Variants in CEP104 observed in about 807,000 individuals in gnomAD.
CEP104 encodes the protein centrosomal protein of 104 kDa.
Under a neutral mutation model 113.3 loss-of-function variants are expected in CEP104, and 84 were observed. That is an observed-to-expected ratio of 0.74 (90% CI 0.62 to 0.89). The LOEUF (loss-of-function observed/expected upper bound fraction) is 0.89. CEP104 is among the 40% of genes least tolerant of loss of function. CEP104 has a pLI of 0.00. For missense variants in CEP104, 1,053 were observed against 1,156.6 expected (o/e 0.91, Z 1.30); for synonymous variants, 378 against 421.7 (o/e 0.90, Z 1.27).
intron 6 of CEP104, chr1:3,843,093 A>C (rs1489218276): frequency 3.4e-6 from 2 of 587,984 alleles, no homozygotes; most frequent in Admixed American, 3.0e-5. Flanking sequence ...CAGCCTAAAA[A>C]ACATTTCAAT....
Position 3,815,419 on chromosome 1 carries a change from T to A in CEP104, c.2761A>T (p.Thr921Ser). ...KGGLSKSSSR[T>S]YAKR ...GCGCCGCGTCAGCGCTTGGCGTACGTCCTGCTGGAGCTCTTGCTCAGTCCG... is the reference window on the plus strand; with the variant it reads ...GCGCCGCGTCAGCGCTTGGCGTACGACCTGCTGGAGCTCTTGCTCAGTCCG... The change falls in exon 22 of 22, where the codon ACG (threonine) becomes TCG (serine). Residue 921 changes from threonine to serine, a missense_variant. Coordinates refer to ENST00000378230, the MANE Select transcript of CEP104 (RefSeq NM_014704.4). 6.8e-6 allele frequency: 11 copies of A among 1,612,502 alleles called. No homozygotes were observed. Among genetic ancestry groups the A allele is most frequent in the Non-Finnish European group, 9.3e-6 (11 of 1,179,712 alleles).
chr1:3,827,918 C>T (rs146880670), intron 15 of CEP104, among the ~76,000 whole-genome samples: 30 of 152,210 alleles, frequency 2.0e-4, no homozygotes, highest in African/African-American at 4.1e-4. Flanking sequence ...AGCCAGATGG[C>T]GCCTGGCACG....
At chr1:3,830,207 T>A (rs1644176397) in intron 13 of CEP104, among the ~76,000 whole-genome samples, 1 of 152,062 alleles carries the variant, frequency 6.6e-6, no homozygotes, top group Non-Finnish European at 1.5e-5. Context: ...TGGATCTTTT[T>A]TAAGAAACAG....
chr1:3,843,280 C>T (rs1231825768), intron 6 of CEP104: 1 of 698,120 alleles, frequency 1.4e-6, no homozygotes, highest in African/African-American at 1.8e-5. Context: ...ACAGCGGGGC[C>T]CTTTAGCTCC....
intron 13 of CEP104, 123 bp from the exon 14 acceptor site, chr1:3,830,120 T>C: frequency 2.9e-6 from 2 of 695,956 alleles, no homozygotes; most frequent in Admixed American, 2.7e-5. Context: ...TTAAGTATTA[T>C]GAAATACTTC....
rs753093605 is a variant in CEP104 at position 3,815,182 on chromosome 1, C to T, written c.*220G>A. ...AGCCCTGAAGGCTTAATGTACAGTG[C>T]GGCCAGGTCCTGGCACTGCACGCAG... On this transcript the variant is annotated 3_prime_UTR_variant, in exon 22 of 22. Coordinates refer to ENST00000378230, the MANE Select transcript of CEP104 (RefSeq NM_014704.4). 2.7e-5 allele frequency: 15 copies of T among 560,286 alleles called. No homozygotes were observed. The highest frequency in any genetic ancestry group is 2.3e-4 in the African/African-American group (12 of 52,690). 34.7% of individuals were successfully genotyped at this position (560,286 alleles called of 1,614,324 possible).
At chr1:3,836,431 T>C (rs941961295) in intron 10 of CEP104, 64 bp downstream of exon 10, 16 of 1,525,282 alleles carry the variant, frequency 1.0e-5, no homozygotes, top group Middle Eastern at 2.4e-4. Flanking sequence ...CACAGAGGTG[T>C]GCGTACCATA....
At position 3,847,609 on chromosome 1, in the gene CEP104, C is replaced by A. The variant is rs147802166; in HGVS notation, c.292G>T (p.Val98Leu). 6.2e-7 allele frequency: 1 copy of A among 1,614,004 alleles called. No individual in the cohort carries two copies. The highest frequency in any genetic ancestry group is 8.5e-7 in the Non-Finnish European group (1 of 1,179,980). The change falls in exon 4 of 22, where the codon GTG (valine) becomes TTG (leucine). Residue 98 changes from valine to leucine, a missense_variant. Transcript: ENST00000378230. ...GTCTTTTCATTATCACAGAGAGACA[C>A]GTAGCTGAAAAACAAAACACAACTG... ...QAERFRRLGYVSLCDNEKTGC... is the reference protein window; with the variant it reads ...QAERFRRLGYLSLCDNEKTGC...
intron 20 of CEP104, chr1:3,816,582 A>C (rs1643884581): frequency 2.0e-6 from 1 of 490,740 alleles, no homozygotes; most frequent in Admixed American, 3.7e-5. Context: ...GGAAGCAAGA[A>C]GTCCTGTCAC....
At chr1:3,829,644 G>A in intron 14 of CEP104, 147 bp downstream of exon 14, 1 of 854,562 alleles carries the variant, frequency 1.2e-6, no homozygotes, top group Non-Finnish European at 1.9e-6. Flanking sequence ...TCTGAATGCG[G>A]GAACCTGTGT....
Position 3,839,689 on chromosome 1 carries a change from ATCTAATTTTCG to A in CEP104, c.643_653del (p.Arg215Ter). ...TTTGGACAGCTTCCCGTTTTCTTTC[ATCTAATTTTCG>A]TATGATCTGTGCAACTTCTGGATCT... On this transcript the variant is annotated frameshift_variant, in exon 7 of 22. Transcript: ENST00000378230. LOFTEE classifies it high-confidence loss of function. 6.2e-7 allele frequency: 1 copy of A among 1,614,126 alleles called. No individual in the cohort carries two copies. Among genetic ancestry groups the A allele is most frequent in the Non-Finnish European group, 8.5e-7 (1 of 1,179,996 alleles).
At position 3,837,265 on chromosome 1, in the gene CEP104, A is replaced by G; in HGVS notation, c.1119+27T>C. ...CTTTACAAATACCCAAATAAATTGA[A>G]CGCCAATCTGAAACAGAATTACCTA... On this transcript the variant is annotated intron_variant, in intron 9 of 21. Transcript: ENST00000378230. 4.5e-6 allele frequency: 7 copies of G among 1,564,380 alleles called. No individual in the cohort carries two copies. The South Asian group carries it at 7.9e-5, about 18-fold the overall frequency.
intron 18 of CEP104, 112 bp downstream of exon 18, chr1:3,825,646 G>C: frequency 1.4e-6 from 1 of 712,852 alleles, no homozygotes; most frequent in South Asian, 1.6e-5. Flanking sequence ...TACTTTTCTC[G>C]CAACCTCTCC....
chr1:3,834,895 C>T, intron 11 of CEP104, 30 bp downstream of exon 11: 2 of 1,555,830 alleles, frequency 1.3e-6, no homozygotes, highest in Admixed American at 2.0e-5. Flanking sequence ...TCCATGCACG[C>T]TGGAGCCAGC....
intron 2 of CEP104, among the ~76,000 whole-genome samples, chr1:3,849,476 C>T (rs1644571541): frequency 1.3e-5 from 2 of 152,124 alleles, no homozygotes; most frequent in Admixed American, 1.3e-4. Flanking sequence ...GGGGATCCTC[C>T]CCCTTCGGCC....
rs538442533 is a variant in CEP104 at position 3,856,354 on chromosome 1, C to T, written c.-15+535G>A. On this transcript the variant is annotated intron_variant, in intron 1 of 21. Coordinates refer to ENST00000378230, the MANE Select transcript of CEP104 (RefSeq NM_014704.4). ...CTGAGATCGTGCCATTGCACTCCAG[C>T]CTGGGCGACAGAGCGAGACCGTCTC... Among the ~76,000 whole-genome samples the T allele has an allele frequency of 5.2e-4, 79 of 152,340 alleles. 1 individual carries two copies. The highest frequency in any genetic ancestry group is 4.4e-5 in the Non-Finnish European group (3 of 68,026).
chr1:3,835,167 T>A, intron 10 of CEP104, 75 bp from the exon 11 acceptor site: 1 of 1,179,962 alleles, frequency 8.5e-7, no homozygotes, highest in African/African-American at 1.6e-5. Flanking sequence ...AGGCTTTGTT[T>A]TTTTTTTAAC....
chr1:3,839,111 T>C lies in CEP104; in HGVS notation c.744A>G (p.Glu248=), dbSNP rs1891941. The change falls in exon 8 of 22, where the codon GAA becomes GAG. Residue 248 remains glutamate, a synonymous_variant. Coordinates refer to ENST00000378230, the MANE Select transcript of CEP104 (RefSeq NM_014704.4). The part of the protein sequence containing the change: ...QAIADLQKVG[E]RLGRYEVEKR... ...TCTCTACCTCATACCTCCCAAGGCG[T>C]TCACCAACCTGAAGCACAAAATATT... 1,480,901 of 1,613,630 alleles carry C rather than the reference T, an allele frequency of 0.92. 686,574 individuals carry two copies. The highest frequency in any genetic ancestry group is 0.95 in the Non-Finnish European group (1,124,505 of 1,179,756).
At chr1:3,850,080 G>C (rs1557693575) in intron 2 of CEP104, among the ~76,000 whole-genome samples, 1 of 152,272 alleles carries the variant, frequency 6.6e-6, no homozygotes, top group Non-Finnish European at 1.5e-5. Flanking sequence ...CAGAGCCTAG[G>C]TGTGTAGCAG....
Sources: allele counts gnomAD v4.1 joint callset (sites outside exome capture counted in the v4.1 genomes callset), GRCh38; gene constraint gnomAD v4.1.1; transcripts MANE v1.5; gene names NCBI Gene and HGNC (gene_info 2026-07-23, HGNC 2026-07-21).